Variants in DNAJB6 observed in about 807,000 individuals in gnomAD.
The protein encoded by DNAJB6 is dnaJ homolog subfamily B member 6.
Under a neutral mutation model 42.7 loss-of-function variants are expected in DNAJB6, and 16 were observed. The ratio of observed to expected loss-of-function variants is 0.37; its 90% CI spans 0.25 to 0.57. The LOEUF is 0.57. DNAJB6 is among the 20% of genes least tolerant of loss of function. DNAJB6 has a pLI of 0.74. For synonymous variants in DNAJB6, 170 were observed against 163.5 expected (o/e 1.04, Z -0.30); for missense variants, 347 against 416.8 (o/e 0.83, Z 1.46).
At chr7:157,381,925 A>C (rs745942208) in intron 5 of DNAJB6, 1 of 179,256 alleles carries the variant, frequency 5.6e-6, no homozygotes, top group African/African-American at 2.4e-5. Flanking sequence ...TCTTGACCTC[A>C]CATCAGTGAC....
At chr7:157,385,765 T>G (rs1469640827) in intron 8 of DNAJB6, 154 bp downstream of exon 8, 1 of 1,443,636 alleles carries the variant, frequency 6.9e-7, no homozygotes, top group East Asian at 2.5e-5. Flanking sequence ...GTACCTAAAG[T>G]ATTTATAAAC....
chr7:157,396,212 G>C (rs1801578313), intron 8 of DNAJB6, among the ~76,000 whole-genome samples: 1 of 152,192 alleles, frequency 6.6e-6, no homozygotes, highest in East Asian at 1.9e-4. Context: ...GCCTCCCAAA[G>C]TGCTGGGATT....
At chr7:157,399,216 C>T (rs1453783361) in intron 8 of DNAJB6, among the ~76,000 whole-genome samples, 2 of 152,212 alleles carry the variant, frequency 1.3e-5, no homozygotes, top group Non-Finnish European at 2.9e-5. Context: ...CTGGAAGGTT[C>T]TCAGCAGCTT....
intron 1 of DNAJB6, among the ~76,000 whole-genome samples, chr7:157,339,420 C>T (rs894091186): frequency 6.6e-6 from 1 of 151,536 alleles, no homozygotes; most frequent in Non-Finnish European, 1.5e-5. Flanking sequence ...GCCTCAGCCT[C>T]CCGAGTAGCT....
At chr7:157,382,170 C>T in intron 5 of DNAJB6, 76 bp from the exon 6 acceptor site, 5 of 1,452,266 alleles carry the variant, frequency 3.4e-6, no homozygotes, top group South Asian at 1.4e-5. Context: ...CATCTATTTT[C>T]TCTTACTGTA....
chr7:157,384,135 AT>A (rs1800931066), intron 6 of DNAJB6, among the ~76,000 whole-genome samples: 1 of 152,196 alleles, frequency 6.6e-6, no homozygotes, highest in Admixed American at 6.5e-5. Context: ...ACCAGCTTTA[AT>A]ATCGAAAAAT....
At chr7:157,374,500 C>T (rs1184186316) in intron 5 of DNAJB6, among the ~76,000 whole-genome samples, 1 of 152,090 alleles carries the variant, frequency 6.6e-6, no homozygotes, top group Non-Finnish European at 1.5e-5. Context: ...CTCAGGCGAT[C>T]CACCCACCTC....
intron 1 of DNAJB6, among the ~76,000 whole-genome samples, chr7:157,352,454 ATATT>A (rs935260311): frequency 5.9e-5 from 9 of 151,876 alleles, no homozygotes; most frequent in Non-Finnish European, 1.3e-4. Flanking sequence ...TACTCTCTGA[ATATT>A]TATTCAGTTG....
intron 1 of DNAJB6, among the ~76,000 whole-genome samples, chr7:157,345,732 C>G (rs573294147): frequency 2.0e-5 from 3 of 152,096 alleles, no homozygotes; most frequent in Admixed American, 6.6e-5. Context: ...ATTTTAATGA[C>G]TTCAGATTTA....
At chr7:157,358,480 C>T (rs569838088) in intron 1 of DNAJB6, 67 bp from the exon 2 acceptor site, 3 of 1,031,398 alleles carry the variant, frequency 2.9e-6, no homozygotes, top group East Asian at 2.4e-5. Flanking sequence ...CTCTCCAGAC[C>T]CATCCCACCA....
chr7:157,359,860 A>G (rs1205975708), intron 2 of DNAJB6, among the ~76,000 whole-genome samples: 2 of 152,186 alleles, frequency 1.3e-5, no homozygotes, highest in African/African-American at 2.4e-5. Context: ...CCTGAAGGTT[A>G]TTTGAAACCT....
chr7:157,346,360 T>C (rs1048942759), intron 1 of DNAJB6, among the ~76,000 whole-genome samples: 3 of 150,966 alleles, frequency 2.0e-5, no homozygotes, highest in Non-Finnish European at 4.4e-5. Flanking sequence ...ACTTAGTTTC[T>C]CTGTGACTAG....
chr7:157,367,252 G>A (rs1280370256), intron 4 of DNAJB6, 121 bp from the exon 5 acceptor site: 1 of 681,570 alleles, frequency 1.5e-6, no homozygotes, highest in East Asian at 2.7e-5. Context: ...GAGAACTTCA[G>A]GTTTATGAAA....
At chr7:157,375,841 CG>C (rs1241665457) in intron 5 of DNAJB6, among the ~76,000 whole-genome samples, 2 of 152,164 alleles carry the variant, frequency 1.3e-5, no homozygotes, top group African/African-American at 4.8e-5. Flanking sequence ...CTTTTGAGGG[CG>C]GCTGTCTAGG....
intron 8 of DNAJB6, among the ~76,000 whole-genome samples, chr7:157,388,842 G>C (rs1044712310): frequency 3.9e-5 from 6 of 152,048 alleles, no homozygotes; most frequent in Admixed American, 3.9e-4. Flanking sequence ...TCCCCACCCC[G>C]TTGGTTTGAT....
At chr7:157,354,482 T>C (rs76781747) in intron 1 of DNAJB6, among the ~76,000 whole-genome samples, 4 of 145,498 alleles carry the variant, frequency 2.7e-5, no homozygotes, top group African/African-American at 9.9e-5. Flanking sequence ...TTTAAAAAAA[T>C]TATTTTCATT....
chr7:157,364,683 G>A (rs774404193), intron 3 of DNAJB6, among the ~76,000 whole-genome samples: 1 of 152,158 alleles, frequency 6.6e-6, no homozygotes, highest in Admixed American at 6.5e-5. Context: ...CAGGATTTTA[G>A]GGACTAGTAA....
chr7:157,396,671 G>A (rs10236513), intron 8 of DNAJB6, among the ~76,000 whole-genome samples: 4,910 of 152,272 alleles, frequency 0.032, 85 homozygotes, highest in Non-Finnish European at 0.041. Flanking sequence ...GACCGCAGCT[G>A]TGTCCATACT....
intron 8 of DNAJB6, among the ~76,000 whole-genome samples, chr7:157,402,562 G>A (rs114028526): frequency 1.3e-5 from 2 of 152,356 alleles, no homozygotes; most frequent in African/African-American, 4.8e-5. Context: ...ACACCTCCCA[G>A]GCTGGCCAGA....
Sources: allele counts gnomAD v4.1 joint callset (sites outside exome capture counted in the v4.1 genomes callset), GRCh38; gene constraint gnomAD v4.1.1; transcripts MANE v1.5; gene names NCBI Gene and HGNC (gene_info 2026-07-23, HGNC 2026-07-21).